The following SSX1 variants were observed in gnomAD, a reference collection of about 807,000 sequenced individuals.
The protein encoded by SSX1 is SSX family member 1, also known as protein SSX1.
Under a neutral mutation model 14.6 loss-of-function variants are expected in SSX1, and 58 were observed. The observed-to-expected ratio is 3.96, with a 90% confidence interval of 3.21 to 4.93. The LOEUF is 4.93. SSX1 is among the 30% of genes most tolerant of loss of function. The pLI is 0.00. For synonymous variants in SSX1, 46 were observed against 52.1 expected (o/e 0.88, Z 0.50); for missense variants, 272 against 143.1 (o/e 1.90, Z -4.60).
chrX:48,266,024 C>T (rs1396941005), intron 6 of SSX1, among the ~76,000 whole-genome samples: 2 of 111,729 alleles, frequency 1.8e-5, no homozygotes, highest in African/African-American at 6.5e-5. Flanking sequence ...AAGGAGGTAT[C>T]GGTGAATGTT....
At chrX:48,256,300 T>G (rs1335056861) in intron 1 of SSX1, among the ~76,000 whole-genome samples, 1 of 106,276 alleles carries the variant, frequency 9.4e-6, no homozygotes, top group African/African-American at 3.5e-5. Flanking sequence ...CCACTAATAC[T>G]TTTTATTTTA....
chrX:48,261,667 T>G, intron 4 of SSX1, 99 bp from the exon 5 acceptor site: 1 of 921,300 alleles, frequency 1.1e-6, no homozygotes, highest in Non-Finnish European at 1.6e-6. Context: ...ATGAGTGGAC[T>G]CATAACCTCT....
In SSX1 at chrX:48,260,449, T is replaced by G. The variant is rs1430024345; in HGVS notation, c.281-1317T>G. On this transcript the variant is annotated intron_variant, in intron 4 of 7. Transcript: ENST00000376919. ...TTTCTTTTGCTGTGCAGAAGCTCTT[T>G]AGTTTAATTAGATCCCATTTGTCAA... Among the ~76,000 whole-genome samples, 3 of 111,851 alleles carry G rather than the reference T, an allele frequency of 2.7e-5. No individual in the cohort carries two copies. The Admixed American group carries it at 2.9e-4, about 11-fold the overall frequency.
chrX:48,262,684 G>A (rs2059608677), intron 5 of SSX1, among the ~76,000 whole-genome samples: 2 of 111,681 alleles, frequency 1.8e-5, no homozygotes, highest in Admixed American at 9.6e-5. Flanking sequence ...TGGGAGTTGG[G>A]TTGCCAGTAT....
chrX:48,258,589 C>T lies in SSX1; in HGVS notation c.238C>T (p.Gln80Ter), dbSNP rs782286940. The change falls in exon 4 of 8, where the codon CAG becomes TAG. Residue 80 changes from glutamine to a stop codon, truncating the protein, a stop_gained. Transcript: ENST00000376919. LOFTEE classifies it high-confidence loss of function. ...FMCNKQATDF[Q>*]GNDFDNDHNR... The stretch of plus-strand genomic sequence containing the variant: ...GTGTAATAAACAGGCCACAGACTTC[C>T]AGGGGAATGATTTTGATAATGACCA... The T allele has an allele frequency of 2.5e-6, 3 of 1,209,100 alleles. No homozygotes were observed. The highest frequency in any genetic ancestry group is 4.4e-5 in the Admixed American group (2 of 45,866).
intron 5 of SSX1, among the ~76,000 whole-genome samples, chrX:48,263,130 CAA>C (rs569242737): frequency 1.1e-5 from 1 of 90,794 alleles, no homozygotes. Context: ...GAGACTTTGT[CAA>C]AAAAAAAAAA....
Position 48,258,537 on chromosome X carries a change from T to G in SSX1, c.186T>G (p.Gly62=), listed in dbSNP as rs782165372. The G allele has an allele frequency of 4.2e-6, 5 of 1,204,437 alleles. No homozygotes were observed. In the South Asian group the frequency reaches 8.8e-5, roughly 21 times the overall value. Residue 62 remains glycine, a splice_region_variant and synonymous_variant, in exon 4 of 8, where the codon GGT becomes GGG. Transcript: ENST00000376919. ...KRNYKAMTKL[G]FKVTLPPFMC... ...AATAAACATTTTGCTTCTTTCTAGG[T>G]TTCAAAGTCACCCTCCCACCTTTCA...
intron 5 of SSX1, among the ~76,000 whole-genome samples, chrX:48,263,438 T>C (rs782745747): frequency 1.0e-5 from 1 of 100,134 alleles, no homozygotes; most frequent in Non-Finnish European, 2.1e-5. Flanking sequence ...CCTTGTATTT[T>C]ATAGAAGCTC....
chrX:48,264,694 A>G (rs1487265284), intron 6 of SSX1, among the ~76,000 whole-genome samples: 1 of 112,026 alleles, frequency 8.9e-6, no homozygotes, highest in East Asian at 2.8e-4. Flanking sequence ...TTCATGAAAG[A>G]TTTCTCTGTA....
intron 4 of SSX1, 75 bp from the exon 5 acceptor site, chrX:48,261,691 C>T: frequency 9.1e-7 from 1 of 1,094,835 alleles, no homozygotes; most frequent in Non-Finnish European, 1.3e-6. Flanking sequence ...GCAGAATGCC[C>T]TCATGCAACG....
chrX:48,255,738 G>A (rs1178241569), intron 1 of SSX1, among the ~76,000 whole-genome samples: 1 of 104,236 alleles, frequency 9.6e-6, no homozygotes, highest in Non-Finnish European at 2.0e-5. Context: ...CGGGACTACA[G>A]GCACGAACCA....
chrX:48,265,477 A>T (rs1361430692), intron 6 of SSX1, among the ~76,000 whole-genome samples: 1 of 111,916 alleles, frequency 8.9e-6, no homozygotes, highest in African/African-American at 3.2e-5. Flanking sequence ...AAAGGAAAAG[A>T]GATGGGGAAG....
chrX:48,257,998 G>T (rs1229414207), intron 3 of SSX1, 138 bp downstream of exon 3: 14 of 459,770 alleles, frequency 3.0e-5, no homozygotes, highest in South Asian at 1.0e-4. Flanking sequence ...AGCTTCTGGG[G>T]GTTCTGCTCT....
At chrX:48,265,828 C>A (rs1369987018) in intron 6 of SSX1, among the ~76,000 whole-genome samples, 4 of 111,590 alleles carry the variant, frequency 3.6e-5, no homozygotes, top group African/African-American at 1.3e-4. Flanking sequence ...ACAACAAAAA[C>A]AATTGCAATA....
At chrX:48,264,794 G>A (rs1161148748) in intron 6 of SSX1, among the ~76,000 whole-genome samples, 1 of 112,600 alleles carries the variant, frequency 8.9e-6, no homozygotes, top group African/African-American at 3.2e-5. Context: ...GTTTTAGATG[G>A]CATCTACTTC....
At chrX:48,256,004 G>A (rs1168706072) in intron 1 of SSX1, among the ~76,000 whole-genome samples, 3 of 104,194 alleles carry the variant, frequency 2.9e-5, no homozygotes, top group African/African-American at 1.1e-4. Context: ...GACTACAGAT[G>A]TGTGCCATTC....
In SSX1 at chrX:48,266,406, G is replaced by T. The variant is rs782625259; in HGVS notation, c.*4+15G>T. On this transcript the variant is annotated intron_variant, in intron 7 of 7. Coordinates refer to ENST00000376919, the MANE Select transcript of SSX1 (RefSeq NM_005635.4). ...CGAGTAACTCCGTAAGTGAACCTTC[G>T]GCTCACCCTCCACATCCCTGCAGAT... 5.8e-6 allele frequency: 7 copies of T among 1,208,141 alleles called. No homozygotes were observed. In the Admixed American group the frequency reaches 1.5e-4, roughly 26 times the overall value.
rs1359529586 is a variant in SSX1, at chrX:48,255,883, T to C, written c.-21+451T>C. 4.9e-5 allele frequency among the ~76,000 whole-genome samples: 5 copies of C among 101,238 alleles called. No homozygotes were observed. In the Admixed American group the frequency reaches 5.4e-4, roughly 11 times the overall value. The allele number at this position is 101,238 out of a possible 115,157, so 87.9% of individuals were successfully genotyped here. ...GCCCTGGGACTACAGAAGTGCACCA[T>C]CCTGCCCATGCTTTTTTTTTTTTTT... On this transcript the variant is annotated intron_variant, in intron 1 of 7. Coordinates refer to ENST00000376919, the MANE Select transcript of SSX1 (RefSeq NM_005635.4).
chrX:48,262,173 T>C (rs1221442520), intron 5 of SSX1, among the ~76,000 whole-genome samples: 1 of 112,290 alleles, frequency 8.9e-6, no homozygotes, highest in Non-Finnish European at 1.9e-5. Flanking sequence ...ATCTTCTAAG[T>C]TATCGGAGCT....
Sources: gnomAD v4.1 joint callset for allele counts (sites outside exome capture counted in the v4.1 genomes callset) on GRCh38, gnomAD v4.1.1 for gene constraint, MANE v1.5 for transcripts, NCBI Gene and HGNC (gene_info 2026-07-23, HGNC 2026-07-21) for gene names.